The following DDC variants were observed in gnomAD, a reference collection of about 807,000 sequenced individuals.
The protein encoded by DDC is dopa decarboxylase.
Under a neutral mutation model 60.0 loss-of-function variants are expected in DDC, and 43 were observed. The observed-to-expected ratio is 0.72, with a 90% CI of 0.56 to 0.92. The LOEUF is 0.92. DDC is among the 40% of genes least tolerant of loss of function. The pLI is 0.00. For synonymous variants in DDC, 232 were observed against 234.6 expected, an observed-to-expected ratio of 0.99 and a Z score of 0.10; for missense variants, 573 against 620.2, an observed-to-expected ratio of 0.92 and a Z score of 0.81.
intron 13 of DDC, among the ~76,000 whole-genome samples, chr7:50,466,936 T>C (rs1337580751): frequency 2.0e-5 from 3 of 152,218 alleles, no homozygotes; most frequent in Admixed American, 6.5e-5. Context: ...AGGTGTGGGA[T>C]GGAGCCTTGA....
chr7:50,548,025 T>C (rs1391925151), intron 1 of DDC, among the ~76,000 whole-genome samples: 1 of 152,238 alleles, frequency 6.6e-6, no homozygotes, highest in Non-Finnish European at 1.5e-5. Context: ...TAATCTGTTA[T>C]AGTGATCTAT....
chr7:50,459,452 T>A (rs1453621259), intron 14 of DDC, among the ~76,000 whole-genome samples: 1 of 145,636 alleles, frequency 6.9e-6, no homozygotes, highest in Non-Finnish European at 1.5e-5. Flanking sequence ...TCTGCCTGGC[T>A]ACCCAGTCTG....
intron 6 of DDC, among the ~76,000 whole-genome samples, chr7:50,517,371 C>T (rs1250874763): frequency 6.6e-6 from 1 of 152,140 alleles, no homozygotes; most frequent in East Asian, 1.9e-4. Context: ...TGACAAAACC[C>T]AGTATTCCTT....
Position 50,539,960 on chromosome 7 carries a change from A to C in DDC, c.270T>G (p.Leu90=). 2 of 1,614,030 alleles carry C rather than the reference A, an allele frequency of 1.2e-6. No individual in the cohort carries two copies. Among genetic ancestry groups the C allele is most frequent in the Non-Finnish European group, 1.7e-6 (2 of 1,179,986 alleles). Residue 90 remains leucine, a synonymous_variant, in exon 3 of 15, where the codon CTT becomes CTG. Coordinates refer to ENST00000444124, the MANE Select transcript of DDC (RefSeq NM_001082971.2). ...CAATGGCCCCGCACAGCATGTCCGC[A>C]AGCATGGCCGGGTACGAGCTGGCAG... The part of the protein sequence containing the change: ...FPTASSYPAM[L]ADMLCGAIGC...
At chr7:50,461,419 GACTT>G (rs2042270758) in intron 14 of DDC, among the ~76,000 whole-genome samples, 1 of 152,156 alleles carries the variant, frequency 6.6e-6, no homozygotes, top group African/African-American at 2.4e-5. Context: ...CATGCATTAG[GACTT>G]ACTATTGTAT....
chr7:50,520,034 G>A (rs1302838836), intron 6 of DDC, among the ~76,000 whole-genome samples: 1 of 152,154 alleles, frequency 6.6e-6, no homozygotes, highest in Non-Finnish European at 1.5e-5. Context: ...TATATTATTA[G>A]TGATAGAACT....
chr7:50,492,829 G>A, intron 9 of DDC: 1 of 1,525,924 alleles, frequency 6.6e-7, no homozygotes, highest in Non-Finnish European at 8.8e-7. Context: ...AGTTGTCCGG[G>A]AGAGATGAGC....
At chr7:50,513,285 G>A (rs760731351) in intron 6 of DDC, among the ~76,000 whole-genome samples, 10 of 152,154 alleles carry the variant, frequency 6.6e-5, no homozygotes, top group Admixed American at 1.3e-4. Flanking sequence ...TTAGACAGTC[G>A]AGCAAAATAC....
chr7:50,556,313 C>T (rs1488197453), intron 1 of DDC, among the ~76,000 whole-genome samples: 1 of 152,168 alleles, frequency 6.6e-6, no homozygotes, highest in Non-Finnish European at 1.5e-5. Flanking sequence ...GCTTGTTTCT[C>T]ATAGACATAG....
chr7:50,480,554 G>A (rs757327066), intron 9 of DDC, among the ~76,000 whole-genome samples: 6 of 152,190 alleles, frequency 3.9e-5, no homozygotes, highest in Non-Finnish European at 8.8e-5. Context: ...ACTGTAACTG[G>A]CATTTGAAGT....
At chr7:50,471,827 C>T (rs1233652056) in intron 11 of DDC, among the ~76,000 whole-genome samples, 3 of 152,136 alleles carry the variant, frequency 2.0e-5, no homozygotes, top group Admixed American at 2.0e-4. Context: ...ACCCCTTATC[C>T]CACCACTAGC....
intron 6 of DDC, among the ~76,000 whole-genome samples, chr7:50,519,203 C>A (rs564513874): frequency 8.5e-5 from 13 of 152,328 alleles, no homozygotes; most frequent in African/African-American, 2.4e-4. Flanking sequence ...TACCACCTTA[C>A]TCCTGCAAGA....
chr7:50,544,115 T>G lies in DDC; in HGVS notation c.-28-2A>C, dbSNP rs1387770029. 6.2e-7 allele frequency: 1 copy of G among 1,608,892 alleles called. No homozygotes were observed. Among genetic ancestry groups the G allele is most frequent in the South Asian group, 1.1e-5 (1 of 90,982 alleles). ...TCTGGGCTCTGTCAGAGGTGAAAAC[T>G]GCAGAAAGAAAATGATTCAGTGAGC... is the stretch of plus-strand genomic sequence containing the variant. On this transcript the variant is annotated splice_acceptor_variant, in intron 1 of 14. Transcript: ENST00000444124. LOFTEE classifies it low-confidence loss of function (5UTR_SPLICE).
intron 9 of DDC, among the ~76,000 whole-genome samples, chr7:50,490,312 T>G (rs1045316239): frequency 6.6e-6 from 1 of 152,132 alleles, no homozygotes; most frequent in Non-Finnish European, 1.5e-5. Context: ...ATAGAAAAAT[T>G]CAACCAATTC....
intron 10 of DDC, among the ~76,000 whole-genome samples, chr7:50,478,199 C>T (rs2042690758): frequency 1.6e-5 from 2 of 127,660 alleles, no homozygotes; most frequent in Admixed American, 8.7e-5. Flanking sequence ...GGTGACAGAG[C>T]CAAACCCTGT....
Position 50,504,027 on chromosome 7 carries a change from G to A in DDC, c.747C>T (p.Cys249=), listed in dbSNP as rs772845939. ...CGACTTCTAAGAGATTGTCAAAGGA[G>A]CAGCATGTTGTGGTCCCCAGGGTGG... ...MVATLGTTTC[C]SFDNLLEVGP... is the part of the protein sequence containing the mutation. The change falls in exon 7 of 15, where the codon TGC becomes TGT. Residue 249 remains cysteine (C), a synonymous_variant. Transcript: ENST00000444124. The A allele has an allele frequency of 2.5e-6, 4 of 1,613,928 alleles. No homozygotes were observed. The highest frequency in any genetic ancestry group is 3.4e-6 in the Non-Finnish European group (4 of 1,179,776).
At chr7:50,487,006 A>G (rs2042899909) in intron 9 of DDC, among the ~76,000 whole-genome samples, 1 of 152,184 alleles carries the variant, frequency 6.6e-6, no homozygotes, top group Non-Finnish European at 1.5e-5. Flanking sequence ...TTCCCTCCAG[A>G]CAACTTTAAT....
At chr7:50,498,685 A>G (rs2153539569) in intron 8 of DDC, among the ~76,000 whole-genome samples, 1 of 152,368 alleles carries the variant, frequency 6.6e-6, no homozygotes. Flanking sequence ...CAATTTCCAG[A>G]AGACTGCCTA....
chr7:50,550,019 T>C (rs1174449812), intron 1 of DDC, among the ~76,000 whole-genome samples: 1 of 152,234 alleles, frequency 6.6e-6, no homozygotes, highest in African/African-American at 2.4e-5. Context: ...CAGCAAGATT[T>C]AAGAGAACTG....
Sources: gnomAD v4.1 joint callset for allele counts (sites outside exome capture counted in the v4.1 genomes callset) on GRCh38, gnomAD v4.1.1 for gene constraint, MANE v1.5 for transcripts, NCBI Gene and HGNC (gene_info 2026-07-23, HGNC 2026-07-21) for gene names.